Variants in NFIB observed in about 807,000 individuals in gnomAD.
The protein encoded by NFIB is nuclear factor I B, also known as nuclear factor 1 B-type.
A neutral mutation model predicts 61.5 loss-of-function variants in NFIB; 11 were observed. The ratio of observed to expected loss-of-function variants is 0.18; its 90% CI spans 0.11 to 0.30. NFIB has a LOEUF of 0.30. NFIB is among the 10% of genes least tolerant of loss of function. The pLI is 1.00. For missense variants in NFIB, 471 were observed against 608.9 expected (o/e 0.77, Z 2.38); for synonymous variants, 260 against 216.5 (o/e 1.20, Z -1.76).
intron 1 of NFIB, among the ~76,000 whole-genome samples, chr9:14,391,799 A>T (rs2382473): frequency 0.062 from 9,423 of 152,188 alleles, 493 homozygotes; most frequent in East Asian, 0.33. Context: ...GACACTGAGA[A>T]CTCTCAAGTT....
intron 1 of NFIB, among the ~76,000 whole-genome samples, chr9:14,352,467 T>C (rs549084160): frequency 2.0e-5 from 3 of 152,276 alleles, no homozygotes; most frequent in East Asian, 1.9e-4. Context: ...CGGGTCAGAA[T>C]TGACATCACC....
chr9:14,446,067 C>G, the NFIB span, among the ~76,000 whole-genome samples: 3 of 152,310 alleles, frequency 2.0e-5, no homozygotes, highest in East Asian at 5.8e-4. Flanking sequence ...GCACTCTCTT[C>G]CAGCTTTCAT....
Position 14,313,678 on chromosome 9 carries a change from A to G in NFIB, c.-167T>C. ...TCACAACAAACCCAGTCCTCCTTAA[A>G]TAGCCAAAGATTCAAGTTCACTCGG... On this transcript the variant is annotated 5_prime_UTR_variant, in exon 1 of 11. Transcript: ENST00000380953. This position sits in a 1 kb window ranked among gnomAD's most constrained non-coding sequence, Gnocchi z 4.5. The G allele has an allele frequency of 2.1e-6, 3 of 1,441,472 alleles. No homozygotes were observed. Among genetic ancestry groups the G allele is most frequent in the Non-Finnish European group, 2.7e-6 (3 of 1,096,492 alleles). The allele number at this position is 1,441,472 out of a possible 1,614,324, so 89.3% of individuals were successfully genotyped here. A position where few individuals can be genotyped will look rare whatever the true frequency, so the allele number is the denominator to read the frequency against.
the NFIB span, among the ~76,000 whole-genome samples, chr9:14,415,865 T>A: frequency 6.6e-6 from 1 of 152,156 alleles, no homozygotes; most frequent in African/African-American, 2.4e-5. Context: ...TTGGACCTAA[T>A]GGTTTGAAGC....
At chr9:14,411,558 G>A in the NFIB span, among the ~76,000 whole-genome samples, 1 of 152,182 alleles carries the variant, frequency 6.6e-6, no homozygotes, top group African/African-American at 2.4e-5. Flanking sequence ...CGTGTCAGGA[G>A]AGAAACCACC....
chr9:14,283,744 C>T (rs1420364795), intron 2 of NFIB, among the ~76,000 whole-genome samples: 2 of 152,216 alleles, frequency 1.3e-5, no homozygotes, highest in African/African-American at 2.4e-5. Context: ...TCCAGGAACA[C>T]TCAAGAAAGC....
chr9:14,357,716 T>C (rs1205619713), intron 1 of NFIB: 1 of 152,202 alleles, frequency 6.6e-6, no homozygotes, highest in Non-Finnish European at 1.5e-5. Flanking sequence ...CTTTTCATAA[T>C]AGCCAAAAAG....
chr9:14,234,529 C>A (rs1410117863), intron 2 of NFIB, among the ~76,000 whole-genome samples: 1 of 151,916 alleles, frequency 6.6e-6, no homozygotes, highest in Non-Finnish European at 1.5e-5. Context: ...ACCACCACGC[C>A]CAGCTAATTT....
intron 2 of NFIB, among the ~76,000 whole-genome samples, chr9:14,256,905 T>C (rs1193048824): frequency 6.6e-6 from 1 of 152,240 alleles, no homozygotes; most frequent in Non-Finnish European, 1.5e-5. Flanking sequence ...TAGTTTGACC[T>C]GGCTTTGTCA....
At chr9:14,434,872 C>G in the NFIB span, among the ~76,000 whole-genome samples, 1 of 152,162 alleles carries the variant, frequency 6.6e-6, no homozygotes, top group Non-Finnish European at 1.5e-5. Flanking sequence ...TTCCTCTATA[C>G]AGAGAGGACC....
intron 1 of NFIB, among the ~76,000 whole-genome samples, chr9:14,375,386 A>G (rs111751005): frequency 1.2e-4 from 19 of 152,330 alleles, no homozygotes; most frequent in Middle Eastern, 3.4e-3. Context: ...GGCCAGGTGC[A>G]GTGGCTCATG....
At chr9:14,368,449 G>A (rs1456525779) in intron 1 of NFIB, among the ~76,000 whole-genome samples, 1 of 152,194 alleles carries the variant, frequency 6.6e-6, no homozygotes, top group East Asian at 1.9e-4. Context: ...ATGTGAGGTA[G>A]GAAAAGAACT....
At chr9:14,273,652 G>T (rs1588065345) in intron 2 of NFIB, among the ~76,000 whole-genome samples, 1 of 152,230 alleles carries the variant, frequency 6.6e-6, no homozygotes, top group East Asian at 1.9e-4. Context: ...TTGTCAGTGT[G>T]ACTTTAAAAT....
chr9:14,362,781 G>C (rs1052684748), intron 1 of NFIB: 1 of 152,050 alleles, frequency 6.6e-6, no homozygotes, highest in Non-Finnish European at 1.5e-5. Context: ...TGCAGTCCCC[G>C]CTACTTGGGA....
At chr9:14,236,720 G>A (rs568263619) in intron 2 of NFIB, among the ~76,000 whole-genome samples, 44 of 152,184 alleles carry the variant, frequency 2.9e-4, no homozygotes, top group African/African-American at 1.0e-3. Context: ...TACTTCCCAT[G>A]TTTATTTGGA....
the NFIB span, among the ~76,000 whole-genome samples, chr9:14,439,920 T>C: frequency 1.3e-5 from 2 of 152,140 alleles, no homozygotes; most frequent in African/African-American, 4.8e-5. Flanking sequence ...TCTCAGTCAA[T>C]TTCGTCAGGA....
intron 10 of NFIB, chr9:14,096,798 G>A (rs533578626): frequency 6.6e-6 from 1 of 152,152 alleles, no homozygotes; most frequent in African/African-American, 2.4e-5. Context: ...TTCAAGTATG[G>A]AGCATGGTTA....
chr9:14,130,728 G>A lies in NFIB; in HGVS notation c.926-4962C>T, dbSNP rs185180595. ...AGAAAGAAGAGGTAAAGCAGGCACC[G>A]TGTCTAGGCAGCTTATTTTAGAATC... On this transcript the variant is annotated intron_variant, in intron 6 of 10. Transcript: ENST00000380953. Among the ~76,000 whole-genome samples, 7 of 152,122 alleles carry A rather than the reference G, an allele frequency of 4.6e-5. No individual in the cohort carries two copies. In the East Asian group the frequency reaches 1.2e-3, roughly 25 times the overall value.
At chr9:14,338,471 C>G (rs10810132) in intron 1 of NFIB, among the ~76,000 whole-genome samples, 1 of 152,072 alleles carries the variant, frequency 6.6e-6, no homozygotes, top group African/African-American at 2.4e-5. Context: ...AGTAGAACAA[C>G]TGGAGTTTGA....
Sources: allele counts gnomAD v4.1 joint callset (sites outside exome capture counted in the v4.1 genomes callset), GRCh38; gene constraint gnomAD v4.1.1; non-coding constraint Gnocchi (gnomAD v3.1); transcripts MANE v1.5; gene names NCBI Gene and HGNC (gene_info 2026-07-23, HGNC 2026-07-21).